Variants in KIF13B observed in about 807,000 individuals in gnomAD.
The protein encoded by KIF13B is kinesin-like protein KIF13B.
In KIF13B, 127 loss-of-function variants were observed where a neutral mutation model predicts 222.0. The observed-to-expected ratio is 0.57, with a 90% CI of 0.50 to 0.66. KIF13B has a LOEUF of 0.66. Among genes scored for constraint, KIF13B ranks in the 30% least tolerant of loss-of-function variants. The pLI, the probability that KIF13B is intolerant of heterozygous loss-of-function variation, is 0.00. For missense variants in KIF13B, 2,173 were observed against 2,379.0 expected, an observed-to-expected ratio of 0.91 and a Z score of 1.80; for synonymous variants, 976 against 919.0, an observed-to-expected ratio of 1.06 and a Z score of -1.12.
At chr8:29,172,772 G>A (rs1468108496) in intron 10 of KIF13B, among the ~76,000 whole-genome samples, 4 of 152,132 alleles carry the variant, frequency 2.6e-5, no homozygotes, top group South Asian at 4.1e-4. Context: ...GAAAGGAGAC[G>A]ATACCCATGA....
chr8:29,118,541 G>A (rs1010948203), intron 30 of KIF13B, among the ~76,000 whole-genome samples: 3 of 151,926 alleles, frequency 2.0e-5, no homozygotes, highest in Non-Finnish European at 4.4e-5. Flanking sequence ...CCCAAACCTG[G>A]TGCCATTTTA....
At chr8:29,222,076 G>A (rs1484023185) in intron 2 of KIF13B, among the ~76,000 whole-genome samples, 3 of 152,082 alleles carry the variant, frequency 2.0e-5, no homozygotes, top group Non-Finnish European at 4.4e-5. Flanking sequence ...GCCAGGCACA[G>A]TGGCTCCCGA....
chr8:29,210,902 G>C (rs1027253145), intron 2 of KIF13B, among the ~76,000 whole-genome samples: 3 of 152,226 alleles, frequency 2.0e-5, no homozygotes, highest in Non-Finnish European at 4.4e-5. Context: ...AGGAAAAGAG[G>C]TACCTGGTAA....
At chr8:29,163,486 C>G (rs931571424) in intron 12 of KIF13B, among the ~76,000 whole-genome samples, 1 of 152,106 alleles carries the variant, frequency 6.6e-6, no homozygotes, top group African/African-American at 2.4e-5. Context: ...TCAGTTTGCC[C>G]GGAAATTGCC....
intron 17 of KIF13B, 135 bp downstream of exon 17, chr8:29,147,256 TG>T: frequency 1.5e-6 from 1 of 671,252 alleles, no homozygotes; most frequent in Non-Finnish European, 2.5e-6. Flanking sequence ...AAGTGGTTCT[TG>T]GCTGTTAACA....
intron 29 of KIF13B, among the ~76,000 whole-genome samples, chr8:29,122,285 A>C (rs1484363061): frequency 6.6e-6 from 1 of 152,128 alleles, no homozygotes; most frequent in Non-Finnish European, 1.5e-5. Flanking sequence ...ATAAATTAGA[A>C]AATATTTTTA....
In KIF13B at chr8:29,070,910, T is replaced by C; in HGVS notation, c.5219-144A>G. The C allele has an allele frequency of 2.2e-6, 2 of 926,690 alleles. No homozygotes were observed. The highest frequency in any genetic ancestry group is 2.7e-5 in the East Asian group (1 of 36,996). 57.4% of individuals were successfully genotyped at this position (926,690 alleles called of 1,614,324 possible). A position where few individuals can be genotyped will look rare whatever the true frequency, so the allele number is the denominator to read the frequency against. On this transcript the variant is annotated intron_variant, in intron 39 of 39. Transcript: ENST00000524189. This position sits in a 1 kb window ranked among gnomAD's most constrained non-coding sequence, Gnocchi z 4.1. ...ACAGCCAGCACTCGGACACTGGCCA[T>C]TGTCTGGCAGGGACTGGCTAAATGA...
At chr8:29,084,983 A>G (rs1388772608) in intron 37 of KIF13B, among the ~76,000 whole-genome samples, 2 of 152,198 alleles carry the variant, frequency 1.3e-5, no homozygotes, top group Admixed American at 6.5e-5. Context: ...AAACAAAAAC[A>G]AATCTCCATA....
intron 35 of KIF13B, among the ~76,000 whole-genome samples, chr8:29,107,761 C>A (rs999508880): frequency 6.6e-6 from 1 of 151,944 alleles, no homozygotes; most frequent in East Asian, 2.0e-4. Context: ...GGGGTTTCAC[C>A]GTGTTAGCCA....
intron 37 of KIF13B, among the ~76,000 whole-genome samples, chr8:29,087,497 A>G (rs1182012780): frequency 6.6e-6 from 1 of 152,254 alleles, no homozygotes; most frequent in African/African-American, 2.4e-5. Context: ...TCACACATCA[A>G]TTAGACCACA....
chr8:29,134,092 G>A lies in KIF13B; in HGVS notation c.2732C>T (p.Ser911Phe). Reference protein sequence around the residue: ...VIVAPEVDTSSSSVSKEPHCM... With the variant: ...VIVAPEVDTSFSSVSKEPHCM... The stretch of plus-strand genomic sequence containing the variant: ...GTGCGGCTCCTTGCTGACGGAAGAG[G>A]AGGAGGTGTCCACTTCAGGAGCGAC... The change falls in exon 22 of 40, where the codon TCC (serine) becomes TTC (phenylalanine). Residue 911 changes from serine to phenylalanine, a missense_variant. By Grantham distance (155) the Ser-to-Phe change is radical (BLOSUM62 -2). Transcript: ENST00000524189. 1 of 1,614,026 alleles carries A rather than the reference G, an allele frequency of 6.2e-7. No individual in the cohort carries two copies. The highest frequency in any genetic ancestry group is 8.5e-7 in the Non-Finnish European group (1 of 1,179,888).
Position 29,229,088 on chromosome 8 carries a change from TAAAA to T in KIF13B, c.149+16254_149+16257del, listed in dbSNP as rs370080449. ...TTTCCTAACTCCAGAATGTCAGCTT[TAAAA>T]AAAAAAAAAAAAAAAAAAAGCATGT... On this transcript the variant is annotated intron_variant, in intron 2 of 39. Coordinates refer to ENST00000524189, the MANE Select transcript of KIF13B (RefSeq NM_015254.4). 3.6e-4 allele frequency among the ~76,000 whole-genome samples: 34 copies of T among 94,694 alleles called. No individual in the cohort carries two copies. The South Asian group carries it at 0.013, about 37-fold the overall frequency. 62.1% of individuals were successfully genotyped at this position (94,694 alleles called of 152,430 possible). A position where few individuals can be genotyped will look rare whatever the true frequency, so the allele number is the denominator to read the frequency against.
rs549419216 is a variant in KIF13B, at chr8:29,173,185, G to A, written c.945+2883C>T. 1.0e-3 allele frequency among the ~76,000 whole-genome samples: 154 copies of A among 152,104 alleles called. 1 individual carries two copies. The highest frequency in any genetic ancestry group is 1.9e-3 in the South Asian group (9 of 4,828). On this transcript the variant is annotated intron_variant, in intron 10 of 39. Coordinates refer to ENST00000524189, the MANE Select transcript of KIF13B (RefSeq NM_015254.4). ...CCACCTAGGCCTCCCAAAGTGCTGG[G>A]ATTATAGGCATTAGCCACCATGCCC...
chr8:29,116,998 C>A lies in KIF13B; in HGVS notation c.3670G>T (p.Glu1224Ter), dbSNP rs758101383. 1 of 1,576,082 alleles carries A rather than the reference C, an allele frequency of 6.3e-7. No individual in the cohort carries two copies. The highest frequency in any genetic ancestry group is 8.7e-7 in the Non-Finnish European group (1 of 1,155,190). ...TGCACCGCGGAGTCCCAGGAGGCTTCTGCTTTCACCTGGAGAGAAGACAGA... is the reference window on the plus strand; with the variant it reads ...TGCACCGCGGAGTCCCAGGAGGCTTATGCTTTCACCTGGAGAGAAGACAGA... ...VKQHDGEVKA[E>*]ASWDSAVHGC... The change falls in exon 31 of 40, where the codon GAA becomes TAA. Residue 1224 changes from glutamate to a stop codon, truncating the protein, a stop_gained. Transcript: ENST00000524189. LOFTEE classifies it high-confidence loss of function.
chr8:29,224,388 G>C (rs562133038), intron 2 of KIF13B, among the ~76,000 whole-genome samples: 10 of 152,092 alleles, frequency 6.6e-5, no homozygotes, highest in Non-Finnish European at 1.2e-4. Context: ...ATCACTGGCC[G>C]GGCATGGTGG....
At chr8:29,173,787 T>C (rs1195970560) in intron 10 of KIF13B, among the ~76,000 whole-genome samples, 1 of 151,538 alleles carries the variant, frequency 6.6e-6, no homozygotes, top group Non-Finnish European at 1.5e-5. Context: ...CTACTAAAAA[T>C]ACAAAAATTA....
At chr8:29,167,740 C>T (rs915975498) in intron 10 of KIF13B, among the ~76,000 whole-genome samples, 155 bp from the exon 11 acceptor site, 1 of 152,182 alleles carries the variant, frequency 6.6e-6, no homozygotes, top group Admixed American at 6.5e-5. Context: ...GACTCGAGTC[C>T]TGTGCTGTTT....
At chr8:29,075,680 C>T (rs1339180873) in intron 37 of KIF13B, among the ~76,000 whole-genome samples, 1 of 152,208 alleles carries the variant, frequency 6.6e-6, no homozygotes, top group Admixed American at 6.5e-5. Flanking sequence ...TACAGAAAGA[C>T]TTCCGGCAGG....
chr8:29,109,573 C>G (rs1809257759), intron 33 of KIF13B, 62 bp from the exon 34 acceptor site: 1 of 1,316,340 alleles, frequency 7.6e-7, no homozygotes, highest in South Asian at 1.2e-5. Context: ...AAAAGCAACA[C>G]CATGTACAGC....
Sources: allele counts gnomAD v4.1 joint callset (sites outside exome capture counted in the v4.1 genomes callset), GRCh38; gene constraint gnomAD v4.1.1; non-coding constraint Gnocchi (gnomAD v3.1); transcripts MANE v1.5; gene names NCBI Gene and HGNC (gene_info 2026-07-23, HGNC 2026-07-21).